Variants in PDE10A observed in about 807,000 individuals in gnomAD.
The protein encoded by PDE10A is cAMP and cAMP-inhibited cGMP 3',5'-cyclic phosphodiesterase 10A.
A neutral mutation model predicts 97.7 loss-of-function variants in PDE10A; 39 were observed. That is an observed-to-expected ratio of 0.40 (90% CI 0.31 to 0.52). The LOEUF (loss-of-function observed/expected upper bound fraction) is 0.52, where lower values mean the gene tolerates loss of function less well. Among genes scored for constraint, PDE10A ranks in the 20% least tolerant of loss-of-function variants. The pLI, the probability that PDE10A is intolerant of heterozygous loss-of-function variation, is 0.56. For synonymous variants in PDE10A, 371 were observed against 376.8 expected, an observed-to-expected ratio of 0.98 and a Z score of 0.18; for missense variants, 731 against 1,047.8, an observed-to-expected ratio of 0.70 and a Z score of 4.17.
At chr6:165,884,611 GGTTT>G (rs1202415251) in intron 1 of PDE10A, among the ~76,000 whole-genome samples, 4 of 152,074 alleles carry the variant, frequency 2.6e-5, no homozygotes, top group African/African-American at 9.7e-5. Context: ...ATATCACATG[GGTTT>G]GTTTGACTCA....
At chr6:165,346,435 A>T (rs534814668) in intron 18 of PDE10A, among the ~76,000 whole-genome samples, 1 of 152,230 alleles carries the variant, frequency 6.6e-6, no homozygotes, top group African/African-American at 2.4e-5. Flanking sequence ...TTTCTCCCCG[A>T]CTGCCATGTA....
chr6:165,986,838 T>A (rs1785236771), intron 1 of PDE10A, among the ~76,000 whole-genome samples: 1 of 151,874 alleles, frequency 6.6e-6, no homozygotes, highest in South Asian at 2.1e-4. Context: ...TTTCAATGGG[T>A]TGCAAGGAAA....
intron 1 of PDE10A, among the ~76,000 whole-genome samples, chr6:165,680,549 G>C (rs183295603): frequency 6.6e-6 from 1 of 152,142 alleles, no homozygotes; most frequent in Non-Finnish European, 1.5e-5. Context: ...AAAGATAGAG[G>C]AATCTTGGAC....
intron 1 of PDE10A, among the ~76,000 whole-genome samples, chr6:165,779,509 G>T (rs1347832094): frequency 2.0e-5 from 3 of 152,276 alleles, no homozygotes; most frequent in Admixed American, 6.5e-5. Context: ...TTGCCAAGCG[G>T]CCGTACTCTG....
chr6:165,503,696 A>G (rs1226969828), intron 2 of PDE10A, among the ~76,000 whole-genome samples: 1 of 152,196 alleles, frequency 6.6e-6, no homozygotes, highest in Non-Finnish European at 1.5e-5. Context: ...TAAAGACAGG[A>G]ACTCTTAGAT....
At chr6:165,361,778 C>T (rs1783443440) in intron 18 of PDE10A, among the ~76,000 whole-genome samples, 1 of 152,176 alleles carries the variant, frequency 6.6e-6, no homozygotes, top group South Asian at 2.1e-4. Context: ...AAACATTGAA[C>T]TTACTGTCCT....
At chr6:165,364,419 T>G (rs1451798396) in intron 18 of PDE10A, among the ~76,000 whole-genome samples, 1 of 152,220 alleles carries the variant, frequency 6.6e-6, no homozygotes, top group East Asian at 1.9e-4. Context: ...AGCTTGATTC[T>G]GGAATACTCA....
chr6:165,728,429 C>G (rs1352550117), intron 1 of PDE10A, among the ~76,000 whole-genome samples: 1 of 152,146 alleles, frequency 6.6e-6, no homozygotes, highest in Non-Finnish European at 1.5e-5. Flanking sequence ...GACTGGCTTT[C>G]CTGCTTCCAT....
chr6:165,587,609 G>C (rs1785992594), intron 1 of PDE10A, among the ~76,000 whole-genome samples: 1 of 152,098 alleles, frequency 6.6e-6, no homozygotes, highest in Non-Finnish European at 1.5e-5. Context: ...CTAGTGATTA[G>C]CAAATTCCAG....
intron 2 of PDE10A, among the ~76,000 whole-genome samples, chr6:165,501,571 T>C (rs1454710589): frequency 7.1e-6 from 1 of 140,848 alleles, no homozygotes. Context: ...AGACTCCGTC[T>C]CAAAAAAAAA....
At chr6:165,981,631 GC>G (rs1562340751) in intron 1 of PDE10A, among the ~76,000 whole-genome samples, 5 of 152,212 alleles carry the variant, frequency 3.3e-5, no homozygotes, top group African/African-American at 1.2e-4. Flanking sequence ...ACCTTCTTTG[GC>G]CCACTGGATG....
chr6:165,387,337 T>C (rs375725727), intron 17 of PDE10A, among the ~76,000 whole-genome samples: 14 of 152,186 alleles, frequency 9.2e-5, no homozygotes, highest in African/African-American at 3.4e-4. Context: ...AGGTCAGTTT[T>C]GCTGGGTTTT....
intron 18 of PDE10A, among the ~76,000 whole-genome samples, chr6:165,355,080 A>G (rs1455672568): frequency 6.6e-6 from 1 of 152,218 alleles, no homozygotes; most frequent in Admixed American, 6.5e-5. Flanking sequence ...TGGTGAATTA[A>G]GGATCATTCC....
chr6:165,598,707 T>A (rs1202166291), intron 1 of PDE10A, among the ~76,000 whole-genome samples: 1 of 152,192 alleles, frequency 6.6e-6, no homozygotes, highest in Non-Finnish European at 1.5e-5. Flanking sequence ...GTTCTTCTAT[T>A]AAGCTCATAC....
intron 1 of PDE10A, among the ~76,000 whole-genome samples, chr6:165,980,706 T>G (rs1784988373): frequency 6.6e-6 from 1 of 152,212 alleles, no homozygotes. Context: ...GGAGGAGGAC[T>G]TACTGTACAT....
At chr6:165,807,441 G>GCAC (rs1779170117) in intron 1 of PDE10A, among the ~76,000 whole-genome samples, 2 of 152,054 alleles carry the variant, frequency 1.3e-5, no homozygotes, top group South Asian at 4.1e-4. Context: ...CCCGCCCACA[G>GCAC]CACAGCACAC....
At chr6:165,438,240 G>GAT (rs1790176062) in intron 5 of PDE10A, among the ~76,000 whole-genome samples, 1 of 152,064 alleles carries the variant, frequency 6.6e-6, no homozygotes, top group Non-Finnish European at 1.5e-5. Flanking sequence ...CCAGGCTGGA[G>GAT]TGCAATGGTG....
intron 1 of PDE10A, among the ~76,000 whole-genome samples, chr6:165,789,839 T>C (rs1428934293): frequency 6.6e-6 from 1 of 152,186 alleles, no homozygotes; most frequent in Non-Finnish European, 1.5e-5. Context: ...GGAAAAAATA[T>C]ATATGGTTTA....
intron 2 of PDE10A, among the ~76,000 whole-genome samples, chr6:165,538,379 C>T (rs1490289719): frequency 3.3e-5 from 5 of 152,120 alleles, no homozygotes; most frequent in South Asian, 4.2e-4. Flanking sequence ...ATTTTAGACA[C>T]GATCATAGAA....
Sources: gnomAD v4.1 joint callset for allele counts (sites outside exome capture counted in the v4.1 genomes callset) on GRCh38, gnomAD v4.1.1 for gene constraint, MANE v1.5 for transcripts, NCBI Gene and HGNC (gene_info 2026-07-23, HGNC 2026-07-21) for gene names.